The following EGFR variants were observed in gnomAD, a reference collection of about 807,000 sequenced individuals.
EGFR encodes epidermal growth factor receptor, also known as avian erythroblastic leukemia viral (v-erb-b) oncogene homolog.
A neutral mutation model predicts 143.0 loss-of-function variants in EGFR; 58 were observed. The ratio of observed to expected loss-of-function variants is 0.41; its 90% CI spans 0.33 to 0.50. EGFR has a LOEUF of 0.50. EGFR is among the 20% of genes least tolerant of loss of function. The pLI, the probability that EGFR is intolerant of heterozygous loss-of-function variation, is 0.39. For missense variants in EGFR, 1,307 were observed against 1,579.0 expected (o/e 0.83, Z 2.92); for synonymous variants, 613 against 594.4 (o/e 1.03, Z -0.45).
intron 27 of EGFR, among the ~76,000 whole-genome samples, chr7:55,203,503 C>T (rs942860449): frequency 6.8e-6 from 1 of 146,494 alleles, no homozygotes; most frequent in Non-Finnish European, 1.5e-5. Flanking sequence ...GACACATATA[C>T]ACTACACACA....
At position 55,100,624 on chromosome 7, in the gene EGFR, G is replaced by T. The variant is rs117972396; in HGVS notation, c.89-41662G>T. ...GCTTTGAAAGGGGACCTCCACTTCC[G>T]CCCTGGGTGGAGCACCGTGCTGGAG... On this transcript the variant is annotated intron_variant, in intron 1 of 27. Transcript: ENST00000275493. Among the ~76,000 whole-genome samples, 3 of 152,302 alleles carry T rather than the reference G, an allele frequency of 2.0e-5. No homozygotes were observed. In the South Asian group the frequency reaches 6.2e-4, roughly 32 times the overall value.
rs34058394 is a variant in EGFR, at chr7:55,116,536, T to TACACACAC, written c.89-25736_89-25729dup. Among the ~76,000 whole-genome samples the TACACACAC allele has an allele frequency of 1.7e-3, 248 of 150,220 alleles. 1 individual carries two copies. Among genetic ancestry groups the TACACACAC allele is most frequent in the Non-Finnish European group, 2.1e-3 (141 of 67,378 alleles). On this transcript the variant is annotated intron_variant, in intron 1 of 27. Transcript: ENST00000275493. ...TATAACTAAATTCAAAAAAAACACATACACACACACACACACACACAAGTC... is the reference window on the plus strand; with the variant it reads ...TATAACTAAATTCAAAAAAAACACATACACACACACACACACACACACACACACAAGTC...
chr7:55,152,325 A>G (rs1343715415), intron 5 of EGFR: 1 of 740,586 alleles, frequency 1.4e-6, no homozygotes, highest in Admixed American at 1.8e-5. Flanking sequence ...CTCAAAGTCT[A>G]GACTTGATCT....
intron 1 of EGFR, among the ~76,000 whole-genome samples, chr7:55,100,037 C>T (rs772940382): frequency 2.6e-5 from 4 of 152,272 alleles, no homozygotes; most frequent in African/African-American, 7.2e-5. Flanking sequence ...AGCAGACTGC[C>T]GCCAGTCTTG....
intron 19 of EGFR, among the ~76,000 whole-genome samples, chr7:55,175,107 G>A (rs936732643): frequency 6.6e-6 from 1 of 152,228 alleles, no homozygotes; most frequent in Non-Finnish European, 1.5e-5. Flanking sequence ...TGCTCTTGGT[G>A]AGCCTGGAGC....
At chr7:55,166,687 G>GTA (rs1786011343) in intron 15 of EGFR, among the ~76,000 whole-genome samples, 1 of 102,620 alleles carries the variant, frequency 9.7e-6, no homozygotes. Flanking sequence ...TCACAATGGT[G>GTA]GTGGTGATGG....
chr7:55,192,152 T>C (rs1416792818), intron 21 of EGFR, among the ~76,000 whole-genome samples: 1 of 152,084 alleles, frequency 6.6e-6, no homozygotes, highest in Non-Finnish European at 1.5e-5. Context: ...CCCTGCAGGA[T>C]ATATAAGTCC....
At chr7:55,050,750 C>G (rs907685233) in intron 1 of EGFR, among the ~76,000 whole-genome samples, 15 of 152,202 alleles carry the variant, frequency 9.9e-5, no homozygotes, top group Non-Finnish European at 2.2e-4. Context: ...TGTTCACGCT[C>G]TCTCATCTTG....
At chr7:55,022,683 G>T (rs975705574) in intron 1 of EGFR, among the ~76,000 whole-genome samples, 2 of 152,220 alleles carry the variant, frequency 1.3e-5, no homozygotes, top group African/African-American at 4.8e-5. Flanking sequence ...CCAGTGGTTT[G>T]TGTGTTAGAC....
intron 1 of EGFR, among the ~76,000 whole-genome samples, chr7:55,036,093 A>G (rs1170370195): frequency 1.3e-5 from 2 of 152,002 alleles, no homozygotes; most frequent in Non-Finnish European, 2.9e-5. Flanking sequence ...TTTGGAGGCC[A>G]TGGAGGCATG....
chr7:55,190,130 C>T lies in EGFR; in HGVS notation c.2470-1589C>T, dbSNP rs533403165. Among the ~76,000 whole-genome samples, 7 of 152,228 alleles carry T rather than the reference C, an allele frequency of 4.6e-5. No homozygotes were observed. In the South Asian group the frequency reaches 6.2e-4, roughly 14 times the overall value. ...AAGCGCTTCCTCGGCTTCTGCCCCC[C>T]CTCTCCTCTCCCTTTCCACCCACCA... On this transcript the variant is annotated intron_variant, in intron 20 of 27. Transcript: ENST00000275493.
chr7:55,098,776 G>T (rs1431889535), intron 1 of EGFR, among the ~76,000 whole-genome samples: 1 of 152,218 alleles, frequency 6.6e-6, no homozygotes, highest in Non-Finnish European at 1.5e-5. Context: ...CCAGCCTTTT[G>T]TGATTCAAGG....
intron 1 of EGFR, among the ~76,000 whole-genome samples, chr7:55,133,876 G>C (rs1229318395): frequency 6.6e-6 from 1 of 152,224 alleles, no homozygotes; most frequent in Non-Finnish European, 1.5e-5. Context: ...GACTTTTGGA[G>C]GGGAAGTGGT....
chr7:55,138,755 G>T (rs555991348), intron 1 of EGFR, among the ~76,000 whole-genome samples: 87 of 152,174 alleles, frequency 5.7e-4, no homozygotes, highest in Non-Finnish European at 1.1e-3. Context: ...TTAATTTTAT[G>T]TTGCTATACC....
At chr7:55,153,558 C>T (rs1785261060) in intron 6 of EGFR, among the ~76,000 whole-genome samples, 5 of 152,152 alleles carry the variant, frequency 3.3e-5, no homozygotes, top group Admixed American at 2.6e-4. Flanking sequence ...GAAAAGCCCT[C>T]GCTGTATTGG....
chr7:55,019,796 GCACCCGAGGGGCGGGCGCTGCC>G (rs1334655394), intron 1 of EGFR, among the ~76,000 whole-genome samples: 2 of 152,188 alleles, frequency 1.3e-5, no homozygotes, highest in African/African-American at 4.8e-5. Context: ...GTCCTGGCGC[GCACCCGAGGGGCGGGCGCTGCC>G]CACCCGCCGA....
chr7:55,176,828 A>T (rs754156351), intron 19 of EGFR, among the ~76,000 whole-genome samples: 3 of 66,856 alleles, frequency 4.5e-5, no homozygotes, highest in South Asian at 5.9e-4. Flanking sequence ...ATATATATTT[A>T]GAGAGATATA....
chr7:55,096,699 C>T (rs1791491754), intron 1 of EGFR, among the ~76,000 whole-genome samples: 1 of 152,096 alleles, frequency 6.6e-6, no homozygotes. Flanking sequence ...CGTGTTGGTC[C>T]CACTGAAAAG....
At chr7:55,188,558 T>A (rs1188191040) in intron 20 of EGFR, among the ~76,000 whole-genome samples, 1 of 152,172 alleles carries the variant, frequency 6.6e-6, no homozygotes, top group East Asian at 1.9e-4. Context: ...ATATTTTAAT[T>A]TCAATTAAAG....
Sources: allele counts gnomAD v4.1 joint callset (sites outside exome capture counted in the v4.1 genomes callset), GRCh38; gene constraint gnomAD v4.1.1; transcripts MANE v1.5; gene names NCBI Gene and HGNC (gene_info 2026-07-23, HGNC 2026-07-21).